ARL17A: variants seen among roughly 807,000 people sequenced by gnomAD.
ARL17A encodes ARF like GTPase 17A.
At chr17:46,533,247 A>G (rs1218458252) in intron 4 of ARL17A, among the ~76,000 whole-genome samples, 129 of 97,976 alleles carry the variant, frequency 1.3e-3, no homozygotes, top group Non-Finnish European at 2.1e-3. Flanking sequence ...GTGAGACCCT[A>G]TCTCTAAAAA....
chr17:46,553,996 ATG>A lies in ARL17A; in HGVS notation c.*3358_*3359del, dbSNP rs1344026645. The A allele has an allele frequency of 2.0e-6, 2 of 1,001,118 alleles. No homozygotes were observed. Among genetic ancestry groups the A allele is most frequent in the Non-Finnish European group, 2.4e-6 (2 of 841,520 alleles). 62.0% of individuals were successfully genotyped at this position (1,001,118 alleles called of 1,614,324 possible). A position where few individuals can be genotyped will look rare whatever the true frequency, so the allele number is the denominator to read the frequency against. On this transcript the variant is annotated 3_prime_UTR_variant, in exon 4 of 4. Transcript: ENST00000336125. Reference sequence around the variant, plus strand: ...CTTCAAGGCTGATGGAAGGTAGGATATGTGAGTCCTTCCTCTTAAGTGGCAGG... The same window carrying A: ...CTTCAAGGCTGATGGAAGGTAGGATATGAGTCCTTCCTCTTAAGTGGCAGG...
downstream of ARL17A, chr17:46,549,228 A>G (rs1330918239): frequency 6.2e-7 from 1 of 1,611,354 alleles, no homozygotes; most frequent in Admixed American, 1.7e-5. Context: ...CATCCTTAGG[A>G]GACCTGAGTC....
intron 3 of ARL17A, among the ~76,000 whole-genome samples, chr17:46,539,066 C>CA (rs1213547689): frequency 1.9e-5 from 1 of 53,640 alleles, no homozygotes; most frequent in East Asian, 2.9e-4. Context: ...ACGGGGATGA[C>CA]AGGGCATGGT....
At chr17:46,537,163 T>C (rs1407839232) in intron 4 of ARL17A, among the ~76,000 whole-genome samples, 1 of 7,444 alleles carries the variant, frequency 1.3e-4, no homozygotes, top group Non-Finnish European at 3.0e-4. Context: ...GGATGTCTCT[T>C]TTTTTTTTTT....
intron 3 of ARL17A, among the ~76,000 whole-genome samples, chr17:46,517,680 C>CT (rs1180779573): frequency 4.2e-3 from 3 of 706 alleles, no homozygotes; most frequent in Admixed American, 0.024. Flanking sequence ...TTTTTGTTCT[C>CT]TTTTTTTTTT....
chr17:46,516,208 C>A (rs1329245470), downstream of ARL17A, among the ~76,000 whole-genome samples: 1 of 145,708 alleles, frequency 6.9e-6, no homozygotes, highest in East Asian at 2.0e-4. Context: ...GAGGCTGAGG[C>A]AGGAGAATGG....
At chr17:46,533,090 G>GA in intron 4 of ARL17A, among the ~76,000 whole-genome samples, 1 of 119,304 alleles carries the variant, frequency 8.4e-6, no homozygotes, top group Non-Finnish European at 1.7e-5. Flanking sequence ...GAAACAGAGT[G>GA]AAAACCTGTC....
At chr17:46,546,160 CT>C in intron 3 of ARL17A, 13 of 874,826 alleles carry the variant, frequency 1.5e-5, no homozygotes, top group Non-Finnish European at 2.2e-5. Context: ...TCAATGACAC[CT>C]TTTTCCCACA....
chr17:46,542,693 T>A lies in ARL17A; in HGVS notation c.260-4267A>T, dbSNP rs985829313. On this transcript the variant is annotated intron_variant, in intron 3 of 4. Transcript: ENST00000329240. ...TTGGGTGACAGAGCAAGACCCTGTC[T>A]AAAATATATATATATTTATATATAT... Among the ~76,000 whole-genome samples the A allele has an allele frequency of 8.7e-5, 13 of 150,090 alleles. 1 individual carries two copies. The highest frequency in any genetic ancestry group is 2.8e-4 in the African/African-American group (11 of 39,566).
At chr17:46,558,553 AT>A (rs58227880) in intron 3 of ARL17A, among the ~76,000 whole-genome samples, 64,519 of 100,378 alleles carry the variant, frequency 0.64, 18,438 homozygotes, top group East Asian at 0.94. Context: ...TGCCCGGCCA[AT>A]TTTTTTTTTT....
chr17:46,540,930 GTTTGT>G (rs1322310500), intron 3 of ARL17A: 91 of 1,334,748 alleles, frequency 6.8e-5, no homozygotes, highest in Non-Finnish European at 8.9e-5. Context: ...GGTTCTTTAG[GTTTGT>G]TTTATTATTT....
intron 3 of ARL17A, among the ~76,000 whole-genome samples, chr17:46,539,593 A>T: frequency 6.9e-6 from 1 of 144,660 alleles, no homozygotes; most frequent in African/African-American, 2.7e-5. Flanking sequence ...TAAAACCCCG[A>T]CTCTACTAAA....
At chr17:46,534,125 C>T (rs1387513704) in intron 4 of ARL17A, among the ~76,000 whole-genome samples, 1 of 145,202 alleles carries the variant, frequency 6.9e-6, no homozygotes, top group African/African-American at 2.8e-5. Flanking sequence ...GCAATGCTGT[C>T]ACCTCAGCCT....
At chr17:46,532,840 C>G (rs1482665993) in intron 4 of ARL17A, among the ~76,000 whole-genome samples, 2 of 149,664 alleles carry the variant, frequency 1.3e-5, no homozygotes, top group Non-Finnish European at 2.9e-5. Context: ...GTGGCTCACA[C>G]CTGTCATCCT....
At chr17:46,535,149 C>T (rs1004058176) in intron 4 of ARL17A, among the ~76,000 whole-genome samples, 2 of 148,910 alleles carry the variant, frequency 1.3e-5, no homozygotes, top group Non-Finnish European at 2.9e-5. Flanking sequence ...GAGCCTCAAG[C>T]CTCCCAAGGT....
At chr17:46,502,763 G>A in the ARL17A span, among the ~76,000 whole-genome samples, 23 of 151,238 alleles carry the variant, frequency 1.5e-4, no homozygotes, top group Admixed American at 1.4e-3. Flanking sequence ...AAGGGAAATG[G>A]TCACCAGCAA....
At chr17:46,525,739 G>T (rs1395885405), downstream of ARL17A, among the ~76,000 whole-genome samples, 1 of 101,060 alleles carries the variant, frequency 9.9e-6, no homozygotes, top group Non-Finnish European at 2.1e-5. Context: ...AAAACATTCA[G>T]AGTGTCATGT....
chr17:46,502,224 G>A, the ARL17A span, among the ~76,000 whole-genome samples: 6 of 150,976 alleles, frequency 4.0e-5, no homozygotes, highest in Non-Finnish European at 8.8e-5. Context: ...GAGAGGAGAG[G>A]GCATTCATAT....
the ARL17A span, among the ~76,000 whole-genome samples, chr17:46,502,174 G>A: frequency 6.6e-6 from 1 of 151,146 alleles, no homozygotes; most frequent in Non-Finnish European, 1.5e-5. Context: ...CATCGCTGAT[G>A]CAGTAATGAA....
Sources: allele counts gnomAD v4.1 joint callset (sites outside exome capture counted in the v4.1 genomes callset), GRCh38; gene constraint gnomAD v4.1.1; transcripts MANE v1.5; gene names NCBI Gene and HGNC (gene_info 2026-07-23, HGNC 2026-07-21).